Variants in TSC2 observed in about 807,000 individuals in gnomAD.
TSC2 encodes the protein TSC complex subunit 2, also known as tuberin.
A neutral mutation model predicts 202.2 loss-of-function variants in TSC2; 29 were observed. The ratio of observed to expected loss-of-function variants is 0.14; its 90% CI spans 0.11 to 0.20. The LOEUF is 0.20. Among genes scored for constraint, TSC2 ranks in the 10% least tolerant of loss-of-function variants. TSC2 has a pLI of 1.00. For missense variants in TSC2, 2,429 were observed against 2,420.0 expected, an observed-to-expected ratio of 1.00 and a Z score of -0.08; for synonymous variants, 1,349 against 1,044.0, an observed-to-expected ratio of 1.29 and a Z score of -5.63.
In TSC2 at chr16:2,088,065, G is replaced by T. The variant is rs1555440048; in HGVS notation, c.5086G>T (p.Asp1696Tyr). Residue 1696 changes from aspartate (D) to tyrosine (Y), a missense_variant, in exon 40 of 42, where the codon GAC (aspartate) becomes TAC (tyrosine). Coordinates refer to ENST00000219476, the MANE Select transcript of TSC2 (RefSeq NM_000548.5). Reference sequence around the variant, plus strand: ...CTCCCCAGACATGGAGGGCCTTGTGGACACCAGCGTGGCCAAGATCGTGTC... The same window carrying T: ...CTCCCCAGACATGGAGGGCCTTGTGTACACCAGCGTGGCCAAGATCGTGTC... ...QCRKDMEGLV[D>Y]TSVAKIVSDR... The T allele has an allele frequency of 1.9e-6, 3 of 1,612,666 alleles. No homozygotes were observed. Among genetic ancestry groups the T allele is most frequent in the Non-Finnish European group, 1.7e-6 (2 of 1,180,014 alleles).
intron 17 of TSC2, 131 bp from the exon 18 acceptor site, chr16:2,071,379 G>A: frequency 1.2e-6 from 1 of 835,164 alleles, no homozygotes; most frequent in Non-Finnish European, 2.0e-6. Flanking sequence ...TGGGATGTGG[G>A]TGTGTGCACA....
chr16:2,069,468 C>T (rs1223650044), intron 16 of TSC2, among the ~76,000 whole-genome samples: 1 of 151,688 alleles, frequency 6.6e-6, no homozygotes. Flanking sequence ...CAGGCATGCA[C>T]CACCACACCT....
Position 2,079,283 on chromosome 16 carries a change from G to A in TSC2, c.3139G>A (p.Val1047Met), listed in dbSNP as rs761513970. 3.1e-6 allele frequency: 5 copies of A among 1,613,034 alleles called. No individual in the cohort carries two copies. The South Asian group carries it at 5.5e-5, about 18-fold the overall frequency. The part of the protein sequence containing the change: ...NFTAVPKRSP[V>M]GEFLLAGGRT... ...ACGCTCCCTGTCTTCTAGGTCTCCT[G>A]TGGGCGAGTTCCTCCTAGCGGGTGG... Residue 1047 changes from valine (V) to methionine (M), a missense_variant, in exon 28 of 42, where the codon GTG becomes ATG. Val to Met is a conservative substitution (Grantham distance 21). Coordinates refer to ENST00000219476, the MANE Select transcript of TSC2 (RefSeq NM_000548.5). The surrounding 1 kb of genome is among the most constrained non-coding windows in gnomAD (Gnocchi z 4.6).
intron 7 of TSC2, 81 bp from the exon 8 acceptor site, chr16:2,056,563 G>C: frequency 1.3e-6 from 2 of 1,574,586 alleles, no homozygotes; most frequent in Non-Finnish European, 1.7e-6. Context: ...GGCTGAAGGA[G>C]GTGGGAAGGA....
intron 15 of TSC2, 24 bp downstream of exon 15, chr16:2,064,451 C>G (rs746869654): frequency 6.2e-7 from 1 of 1,612,106 alleles, no homozygotes; most frequent in African/African-American, 1.3e-5. Context: ...TACCCGGGGC[C>G]GGGTGCTAGC....
At chr16:2,074,597 C>T in intron 22 of TSC2, 1 of 632,808 alleles carries the variant, frequency 1.6e-6, no homozygotes. Flanking sequence ...CTCTAGTGTC[C>T]ATGTGAACGC....
At chr16:2,048,826 G>C in intron 2 of TSC2, 73 bp downstream of exon 2, 1 of 1,606,148 alleles carries the variant, frequency 6.2e-7, no homozygotes, top group Admixed American at 1.7e-5. Flanking sequence ...CTTGCACCAG[G>C]TTCTGTGGGA....
chr16:2,080,228 C>T lies in TSC2; in HGVS notation c.3461C>T (p.Thr1154Ile), dbSNP rs377137483. 1.9e-6 allele frequency: 3 copies of T among 1,612,890 alleles called. No homozygotes were observed. The highest frequency in any genetic ancestry group is 1.3e-5 in the African/African-American group (1 of 74,952). The change falls in exon 30 of 42, where the codon ACT becomes ATT. Residue 1154 changes from threonine to isoleucine, a missense_variant. Transcript: ENST00000219476. ...GCCTCCCAGTTCCTGGGCAGTGCCA[C>T]TTCTCCAGGACCACGGACTGCACCA... Reference protein sequence around the residue: ...VPASQFLGSATSPGPRTAPAA... With the variant: ...VPASQFLGSAISPGPRTAPAA...
intron 37 of TSC2, 81 bp downstream of exon 37, chr16:2,086,460 G>C: frequency 6.5e-7 from 1 of 1,548,804 alleles, no homozygotes; most frequent in African/African-American, 1.4e-5. Flanking sequence ...CCCACGCCCT[G>C]GGGCATGGCC....
chr16:2,050,842 C>T (rs1167278640), intron 3 of TSC2, among the ~76,000 whole-genome samples: 5 of 151,962 alleles, frequency 3.3e-5, no homozygotes, highest in Non-Finnish European at 5.9e-5. Flanking sequence ...ATGCCTCAGC[C>T]TCCCAAAGTG....
chr16:2,088,725 T>C lies in TSC2; in HGVS notation c.*115T>C, dbSNP rs1345608098. On this transcript the variant is annotated 3_prime_UTR_variant, in exon 42 of 42. Coordinates refer to ENST00000219476, the MANE Select transcript of TSC2 (RefSeq NM_000548.5). ...GGCACAGATTGCAGTCAGACAGCTC[T>C]TTTATTGACTTTGTCTGCTTGGTGC... The C allele has an allele frequency of 1.0e-5, 14 of 1,382,180 alleles. No individual in the cohort carries two copies. In the Admixed American group the frequency reaches 2.4e-4, roughly 23 times the overall value. 85.6% of individuals were successfully genotyped at this position (1,382,180 alleles called of 1,614,324 possible). A position where few individuals can be genotyped will look rare whatever the true frequency, so the allele number is the denominator to read the frequency against.
Position 2,079,519 on chromosome 16 carries a change from G to A in TSC2, c.3285-38G>A. 4.4e-6 allele frequency: 7 copies of A among 1,605,500 alleles called. No homozygotes were observed. The highest frequency in any genetic ancestry group is 1.1e-5 in the South Asian group (1 of 90,134). On this transcript the variant is annotated intron_variant, in intron 28 of 41. Transcript: ENST00000219476. The surrounding 1 kb of genome is among the most constrained non-coding windows in gnomAD (Gnocchi z 4.6). ...ACGTGGCACCCTCGTACCAGCCTGG[G>A]GACTAAGTCCACCCTGTGCGTGGGA...
intron 38 of TSC2, among the ~76,000 whole-genome samples, chr16:2,087,610 T>TGAGTGGAGGTGCCCCAGC (rs2091000165): frequency 6.6e-6 from 1 of 150,918 alleles, no homozygotes. Context: ...GGGGCCCCAG[T>TGAGTGGAGGTGCCCCAGC]GAGTGGAGGT....
Position 2,075,240 on chromosome 16 carries a change from A to G in TSC2, c.2546-559A>G, listed in dbSNP as rs188540849. 3.4e-3 allele frequency: 516 copies of G among 153,158 alleles called. 1 individual carries two copies. The highest frequency in any genetic ancestry group is 0.013 in the African/African-American group (495 of 39,252). The allele number at this position is 153,158 out of a possible 1,614,324, so 9.5% of individuals were successfully genotyped here. A position where few individuals can be genotyped will look rare whatever the true frequency, so the allele number is the denominator to read the frequency against. On this transcript the variant is annotated intron_variant, in intron 22 of 41. Transcript: ENST00000219476. ...ACCGTCTCAAAAAAAAAAAAGAGAG[A>G]AGTGAGGCCGGGCACGGTGGCTCAC... is the stretch of plus-strand genomic sequence containing the variant.
chr16:2,054,573 A>T (rs1377922554), intron 5 of TSC2, 133 bp downstream of exon 5: 1 of 1,366,850 alleles, frequency 7.3e-7, no homozygotes, highest in Admixed American at 1.7e-5. Flanking sequence ...ACCCTGCTTC[A>T]TGCACCTGGG....
chr16:2,084,285 A>G lies in TSC2; in HGVS notation c.4063A>G (p.Arg1355Gly), dbSNP rs1555513911. 6.2e-7 allele frequency: 1 copy of G among 1,612,242 alleles called. No individual in the cohort carries two copies. Among genetic ancestry groups the G allele is most frequent in the Middle Eastern group, 1.6e-4 (1 of 6,062 alleles). Reference protein sequence around the residue: ...KSLHAEELVGRGIPIERVVSS... With the variant: ...KSLHAEELVGGGIPIERVVSS... ...GCTCCACGCGGAGGAGCTGGTTGGC[A>G]GGGGCATCCCCATCGAGCGAGTCGT... Residue 1355 changes from arginine to glycine, a missense_variant, in exon 34 of 42, where the codon AGG (arginine) becomes GGG (glycine). Coordinates refer to ENST00000219476, the MANE Select transcript of TSC2 (RefSeq NM_000548.5).
chr16:2,087,718 A>G, intron 38 of TSC2, 145 bp from the exon 39 acceptor site: 3 of 1,036,708 alleles, frequency 2.9e-6, no homozygotes, highest in Non-Finnish European at 4.4e-6. Context: ...CCAGACAAAC[A>G]CAGCCCCGCT....
intron 14 of TSC2, 36 bp downstream of exon 14, chr16:2,063,089 G>C: frequency 6.5e-7 from 1 of 1,550,110 alleles, no homozygotes; most frequent in Non-Finnish European, 8.7e-7. Flanking sequence ...GGGGCTCAGG[G>C]CTATTTCTCC....
At chr16:2,086,152 C>T (rs1198088388) in intron 36 of TSC2, 41 bp from the exon 37 acceptor site, 5 of 1,610,536 alleles carry the variant, frequency 3.1e-6, no homozygotes, top group African/African-American at 1.3e-5. Context: ...CAGGGCCCGG[C>T]CCGGGAGTGA....
Sources: allele counts gnomAD v4.1 joint callset (sites outside exome capture counted in the v4.1 genomes callset), GRCh38; gene constraint gnomAD v4.1.1; non-coding constraint Gnocchi (gnomAD v3.1); transcripts MANE v1.5; gene names NCBI Gene and HGNC (gene_info 2026-07-23, HGNC 2026-07-21).